EIF3A: variants seen among roughly 807,000 people sequenced by gnomAD.
EIF3A encodes the protein eukaryotic translation initiation factor 3 subunit A.
Under a neutral mutation model 186.6 loss-of-function variants are expected in EIF3A, and 21 were observed. The ratio of observed to expected loss-of-function variants is 0.11; its 90% CI spans 0.08 to 0.16. The LOEUF is 0.16. EIF3A is among the 10% of genes least tolerant of loss of function. The probability of loss-of-function intolerance (pLI) is 1.00; values close to 1 mark genes in which losing one functional copy is unlikely to be tolerated. For synonymous variants in EIF3A, 563 were observed against 584.3 expected (o/e 0.96, Z 0.52); for missense variants, 1,306 against 1,796.3 (o/e 0.73, Z 4.93).
chr10:119,037,743 A>G (rs1266770757), intron 20 of EIF3A, among the ~76,000 whole-genome samples: 1 of 152,038 alleles, frequency 6.6e-6, no homozygotes, highest in Non-Finnish European at 1.5e-5. Context: ...ATAAAATCAA[A>G]GGGCTTTTGA....
chr10:119,044,938 TTTTC>T (rs1848262869), intron 17 of EIF3A, among the ~76,000 whole-genome samples: 1 of 38,036 alleles, frequency 2.6e-5, no homozygotes, highest in South Asian at 2.3e-3. Context: ...TTGAATTTTC[TTTTC>T]TTTTTTTTTT....
chr10:119,045,008 G>C (rs1029085198), intron 17 of EIF3A, among the ~76,000 whole-genome samples: 3 of 148,274 alleles, frequency 2.0e-5, no homozygotes, highest in African/African-American at 7.6e-5. Flanking sequence ...GCAGTGGTAC[G>C]ATCTCAGCTA....
At chr10:119,059,493 C>T (rs1843847010) in intron 10 of EIF3A, 96 bp from the exon 11 acceptor site, 3 of 1,289,938 alleles carry the variant, frequency 2.3e-6, no homozygotes, top group Non-Finnish European at 3.3e-6. Context: ...GAAAAGTTCA[C>T]TCAGTAAACT....
chr10:119,068,689 A>G (rs994604700), intron 6 of EIF3A, among the ~76,000 whole-genome samples: 1 of 141,208 alleles, frequency 7.1e-6, no homozygotes, highest in African/African-American at 2.7e-5. Flanking sequence ...ATAAAATAAA[A>G]TACAAGTCAG....
chr10:119,057,038 G>A lies in EIF3A; in HGVS notation c.1980C>T (p.Asp660=). 10 of 1,582,020 alleles carry A rather than the reference G, an allele frequency of 6.3e-6. No individual in the cohort carries two copies. The highest frequency in any genetic ancestry group is 8.6e-6 in the Non-Finnish European group (10 of 1,157,392). ...AKAFKDIDIE[D]LEELDPDFIM... is the part of the protein sequence containing the mutation. ...TAAAATCTGGATCCAATTCCTCAAG[G>A]TCCTGAAAGGTAATACAAATGCACA... Residue 660 remains aspartate (D), a splice_region_variant and synonymous_variant, in exon 13 of 22, where the codon GAC becomes GAT. Coordinates refer to ENST00000369144, the MANE Select transcript of EIF3A (RefSeq NM_003750.4).
chr10:119,067,042 G>A (rs186551924), intron 6 of EIF3A, among the ~76,000 whole-genome samples: 54 of 151,778 alleles, frequency 3.6e-4, no homozygotes, highest in African/African-American at 1.3e-3. Flanking sequence ...GTGAAACCCC[G>A]TTTCTACTAA....
intron 1 of EIF3A, chr10:119,080,266 G>A (rs1234881635): frequency 1.0e-6 from 1 of 970,628 alleles, no homozygotes; most frequent in Admixed American, 6.2e-5. Context: ...GGGGACGCGG[G>A]CCCTAAGCAG....
At chr10:119,039,266 A>G (rs1379209861) in intron 19 of EIF3A, among the ~76,000 whole-genome samples, 1 of 152,082 alleles carries the variant, frequency 6.6e-6, no homozygotes, top group African/African-American at 2.4e-5. Flanking sequence ...AGTGGCTCAC[A>G]CTTATGCATG....
rs1271976016 is a variant in EIF3A at position 119,036,058 on chromosome 10, C to T, written c.4130G>A (p.Trp1377Ter). The T allele has an allele frequency of 1.2e-6, 2 of 1,613,424 alleles. No individual in the cohort carries two copies. Among genetic ancestry groups the T allele is most frequent in the Non-Finnish European group, 1.7e-6 (2 of 1,179,440 alleles). Residue 1377 changes from tryptophan (W) to a stop codon, truncating the protein, a stop_gained, in exon 22 of 22, where the codon TGG becomes TAG. Coordinates refer to ENST00000369144, the MANE Select transcript of EIF3A (RefSeq NM_003750.4). LOFTEE classifies it high-confidence loss of function. ...RTKNETDEDGWTTVRR is the reference protein window; with the variant it reads ...RTKNETDEDG ...TGAGACTTAACGTCGTACTGTGGTCCATCCATCTTCATCAGTCTCATTTTT... is the reference window on the plus strand; with the variant it reads ...TGAGACTTAACGTCGTACTGTGGTCTATCCATCTTCATCAGTCTCATTTTT...
chr10:119,049,256 T>G (rs1432083097), intron 17 of EIF3A, among the ~76,000 whole-genome samples: 3 of 152,162 alleles, frequency 2.0e-5, no homozygotes, highest in Non-Finnish European at 4.4e-5. Context: ...GGTCAGGAGT[T>G]CAAGACCAAC....
rs1398665610 is a variant in EIF3A, at chr10:119,038,254, G to A, written c.3712C>T (p.Arg1238Cys). ...GCATCACACCTAGGTCTTCTGAAGC[G>A]ATCCTCTCGATCCACATCTCTCTCT... The part of the protein sequence containing the change: ...DRERDVDRED[R>C]FRRPRDEGGW... Residue 1238 changes from arginine to cysteine, a missense_variant, in exon 20 of 22, where the codon CGC (arginine) becomes TGC (cysteine). Coordinates refer to ENST00000369144, the MANE Select transcript of EIF3A (RefSeq NM_003750.4). The A allele has an allele frequency of 8.1e-6, 13 of 1,613,824 alleles. No homozygotes were observed. Among genetic ancestry groups the A allele is most frequent in the South Asian group, 2.2e-5 (2 of 91,070 alleles).
Position 119,080,613 on chromosome 10 carries a change from C to A in EIF3A, c.49+15G>T. ...CGGGCCGCCCCAGCCCGGCGCGCCC[C>A]GATCAGCTACTCACCGTTGGCGCGT... is the stretch of plus-strand genomic sequence containing the variant. On this transcript the variant is annotated intron_variant, in intron 1 of 21. Coordinates refer to ENST00000369144, the MANE Select transcript of EIF3A (RefSeq NM_003750.4). 1.3e-6 allele frequency: 2 copies of A among 1,578,016 alleles called. No individual in the cohort carries two copies. Among genetic ancestry groups the A allele is most frequent in the Non-Finnish European group, 1.7e-6 (2 of 1,164,804 alleles).
At chr10:119,069,908 A>G (rs1423855671) in intron 5 of EIF3A, among the ~76,000 whole-genome samples, 2 of 151,930 alleles carry the variant, frequency 1.3e-5, no homozygotes, top group Non-Finnish European at 2.9e-5. Context: ...ATATTTGCAT[A>G]TTATCCCATC....
chr10:119,059,872 G>C (rs945675185), intron 9 of EIF3A, 154 bp from the exon 10 acceptor site: 5 of 670,258 alleles, frequency 7.5e-6, no homozygotes, highest in African/African-American at 3.6e-5. Context: ...CCAGACCATC[G>C]ACTCTAAACT....
At chr10:119,044,899 A>C (rs1848261362) in intron 17 of EIF3A, among the ~76,000 whole-genome samples, 1 of 151,908 alleles carries the variant, frequency 6.6e-6, no homozygotes, top group South Asian at 2.1e-4. Flanking sequence ...CTACAGTCTC[A>C]AACAATGCGT....
At chr10:119,058,403 A>G (rs1233134890) in intron 11 of EIF3A, 100 bp from the exon 12 acceptor site, 1 of 783,772 alleles carries the variant, frequency 1.3e-6, no homozygotes. Context: ...CTGCCTTTCT[A>G]TGTATCTGCA....
chr10:119,052,370 G>T (rs937236528), intron 14 of EIF3A, among the ~76,000 whole-genome samples: 4 of 132,820 alleles, frequency 3.0e-5, no homozygotes, highest in African/African-American at 1.4e-4. Context: ...TTTTGGTTTT[G>T]TGTGTGTGTG....
intron 21 of EIF3A, 135 bp from the exon 22 acceptor site, chr10:119,036,403 ATTG>A: frequency 1.6e-6 from 1 of 619,712 alleles, no homozygotes; most frequent in Non-Finnish European, 2.8e-6. Flanking sequence ...TAAATTCTGT[ATTG>A]TTAAATACAG....
intron 6 of EIF3A, among the ~76,000 whole-genome samples, chr10:119,066,793 CA>C (rs1436181991): frequency 6.6e-6 from 1 of 152,132 alleles, no homozygotes; most frequent in East Asian, 1.9e-4. Context: ...TTTTCTGAGT[CA>C]TAAGGCTACT....
Sources: gnomAD v4.1 joint callset for allele counts (sites outside exome capture counted in the v4.1 genomes callset) on GRCh38, gnomAD v4.1.1 for gene constraint, MANE v1.5 for transcripts, NCBI Gene and HGNC (gene_info 2026-07-23, HGNC 2026-07-21) for gene names.